The following ZNF135 variants were observed in gnomAD, a reference collection of about 807,000 sequenced individuals.
ZNF135 encodes zinc finger protein 135 (clone pHZ-17).
Under a neutral mutation model 12.3 loss-of-function variants are expected in ZNF135, and 11 were observed. The observed-to-expected ratio is 0.89, with a 90% CI of 0.56 to 1.48. The LOEUF (loss-of-function observed/expected upper bound fraction) is 1.48. Among genes scored for constraint, ZNF135 ranks in the 40% most tolerant of loss-of-function variants. The pLI is 0.00. For missense variants in ZNF135, 722 were observed against 815.7 expected (o/e 0.89, Z 1.40); for synonymous variants, 316 against 312.0 (o/e 1.01, Z -0.14).
rs140121149 is a variant in ZNF135, at chr19:58,066,927, C to G, written c.443C>G (p.Ala148Gly). The change falls in exon 5 of 5, where the codon GCC (alanine) becomes GGC (glycine). Residue 148 changes from alanine to glycine, a missense_variant. By Grantham distance (60) the Ala-to-Gly change is moderately conservative (BLOSUM62 0). Transcript: ENST00000313434. ...CTAGAGAGCCTGGCAGTGCCGGTGG[C>G]CTTCACGCCTGTGAAGACGCCTGTT... is the stretch of plus-strand genomic sequence containing the variant. Reference protein sequence around the residue: ...ESLESLAVPVAFTPVKTPVLE... With the variant: ...ESLESLAVPVGFTPVKTPVLE... 6.7e-4 allele frequency: 1,089 copies of G among 1,614,164 alleles called. 9 individuals carry two copies. In the African/African-American group the frequency reaches 0.013, roughly 19 times the overall value.
chr19:58,063,496 G>T lies in ZNF135; in HGVS notation c.211G>T (p.Glu71Ter), dbSNP rs747249059. The change falls in exon 4 of 5, where the codon GAG (glutamate) becomes TAG (stop). Residue 71 changes from glutamate (E) to a stop codon, truncating the protein, a stop_gained. Coordinates refer to ENST00000313434, the MANE Select transcript of ZNF135 (RefSeq NM_001289401.2). LOFTEE classifies it low-confidence loss of function (END_TRUNC). This position sits in a 1 kb window ranked among gnomAD's most constrained non-coding sequence, Gnocchi z 4.4. ...NVISLLEQEA[E>*]LWAVESRLPQ... ...CATCTCCCTGCTGGAGCAAGAGGCA[G>T]AGCTGTGGGCGGTGGAGTCTAGACT... 1.2e-6 allele frequency: 2 copies of T among 1,614,186 alleles called. No homozygotes were observed. The highest frequency in any genetic ancestry group is 1.7e-6 in the Non-Finnish European group (2 of 1,180,020).
chr19:58,065,086 C>T lies in ZNF135; in HGVS notation c.256+1545C>T, dbSNP rs996661875. ...AAGCAAAGCAAATTATTTTAAAGTT[C>T]GGGAGATCAGAAATCCACAATGGGT... On this transcript the variant is annotated intron_variant, in intron 4 of 4. Coordinates refer to ENST00000313434, the MANE Select transcript of ZNF135 (RefSeq NM_001289401.2). This position sits in a 1 kb window ranked among gnomAD's most constrained non-coding sequence, Gnocchi z 4.0. 1.8e-4 allele frequency among the ~76,000 whole-genome samples: 28 copies of T among 152,112 alleles called. 1 individual carries two copies. The highest frequency in any genetic ancestry group is 1.0e-3 in the Admixed American group (16 of 15,268).
At position 58,069,124 on chromosome 19, in the gene ZNF135, CAA is replaced by C. The variant is rs1355665855; in HGVS notation, c.*665_*666del. On this transcript the variant is annotated 3_prime_UTR_variant, in exon 5 of 5. Coordinates refer to ENST00000313434, the MANE Select transcript of ZNF135 (RefSeq NM_001289401.2). ...AGTCACAGATTGGAATTACATATGA[CAA>C]AGTATCAGTGTACTATAAACAGGTT... is the stretch of plus-strand genomic sequence containing the variant. 1 of 152,884 alleles carries C rather than the reference CAA, an allele frequency of 6.5e-6. No homozygotes were observed. The highest frequency in any genetic ancestry group is 1.5e-5 in the Non-Finnish European group (1 of 68,624). 9.5% of individuals were successfully genotyped at this position (152,884 alleles called of 1,614,324 possible).
chr19:58,061,132 G>A (rs28451971), intron 2 of ZNF135, among the ~76,000 whole-genome samples: 8 of 148,260 alleles, frequency 5.4e-5, no homozygotes, highest in South Asian at 2.1e-4. Context: ...CGTCTCGGGG[G>A]AAAAAAAAAA....
chr19:58,067,670 C>T lies in ZNF135; in HGVS notation c.1186C>T (p.Pro396Ser). Reference protein sequence around the residue: ...ECGKAFTQITPLIQHQRTHTG... With the variant: ...ECGKAFTQITSLIQHQRTHTG... ...TGGAAAAGCCTTCACCCAGATCACA[C>T]CACTGATTCAGCACCAGAGGACCCA... Residue 396 changes from proline (P) to serine (S), a missense_variant, in exon 5 of 5, where the codon CCA (proline) becomes TCA (serine). Physicochemically the swap from Pro to Ser is moderately conservative, Grantham distance 74. Transcript: ENST00000313434. The T allele has an allele frequency of 1.2e-6, 2 of 1,611,938 alleles. No individual in the cohort carries two copies. The highest frequency in any genetic ancestry group is 1.7e-6 in the Non-Finnish European group (2 of 1,179,544).
At chr19:58,061,033 C>T (rs912875433) in intron 2 of ZNF135, among the ~76,000 whole-genome samples, 53 of 151,512 alleles carry the variant, frequency 3.5e-4, no homozygotes, top group African/African-American at 1.2e-3. Flanking sequence ...GAGGCTGAGG[C>T]AGGAGAATGG....
rs2074124523 is a variant in ZNF135 at position 58,068,911 on chromosome 19, C to T, written c.*450C>T. 6.0e-6 allele frequency: 1 copy of T among 165,812 alleles called. No individual in the cohort carries two copies. Among genetic ancestry groups the T allele is most frequent in the Non-Finnish European group, 1.3e-5 (1 of 75,044 alleles). 10.3% of individuals were successfully genotyped at this position (165,812 alleles called of 1,614,324 possible). A position where few individuals can be genotyped will look rare whatever the true frequency, so the allele number is the denominator to read the frequency against. ...CAGAATTTGCCATTATTGCACATCA[C>T]ATTTTTGGGGGGGAAAGTGCTTATG... On this transcript the variant is annotated 3_prime_UTR_variant, in exon 5 of 5. Transcript: ENST00000313434.
Position 58,068,570 on chromosome 19 carries a change from T to A in ZNF135, c.*109T>A. 1.6e-6 allele frequency: 2 copies of A among 1,257,298 alleles called. No homozygotes were observed. Among genetic ancestry groups the A allele is most frequent in the South Asian group, 1.5e-5 (1 of 66,924 alleles). 77.9% of individuals were successfully genotyped at this position (1,257,298 alleles called of 1,614,324 possible). A position where few individuals can be genotyped will look rare whatever the true frequency, so the allele number is the denominator to read the frequency against. On this transcript the variant is annotated 3_prime_UTR_variant, in exon 5 of 5. Transcript: ENST00000313434. ...AGAAACGTACATTCATACACAAGCC[T>A]TTTCACACAGCACTCCCCTCAGACA... is the stretch of plus-strand genomic sequence containing the variant.
chr19:58,061,622 G>A lies in ZNF135; in HGVS notation c.76G>A (p.Glu26Lys). The part of the protein sequence containing the change: ...FEDVVVGFSQ[E>K]EWGQLKPAQR... ...GGACGTGGTAGTGGGCTTCAGCCAG[G>A]AGGAGTGGGGGCAGCTGAAGCCTGC... is the stretch of plus-strand genomic sequence containing the variant. The change falls in exon 3 of 5, where the codon GAG becomes AAG. Residue 26 changes from glutamate to lysine, a missense_variant. Glu to Lys is a moderately conservative substitution (Grantham distance 56). Transcript: ENST00000313434. The A allele has an allele frequency of 1.2e-6, 2 of 1,613,520 alleles. No homozygotes were observed.
Position 58,061,591 on chromosome 19 carries a change from G to C in ZNF135, c.45G>C (p.Thr15=). 1 of 1,612,718 alleles carries C rather than the reference G, an allele frequency of 6.2e-7. No homozygotes were observed. The highest frequency in any genetic ancestry group is 8.5e-7 in the Non-Finnish European group (1 of 1,179,400). ...GTGTGATGTTTCAGGAGCAAGTGAC[G>C]TTTGAGGACGTGGTAGTGGGCTTCA... ...VRVSTDPEQV[T]FEDVVVGFSQ... The change falls in exon 3 of 5, where the codon ACG becomes ACC. Residue 15 remains threonine, a synonymous_variant. Coordinates refer to ENST00000313434, the MANE Select transcript of ZNF135 (RefSeq NM_001289401.2).
Position 58,059,681 on chromosome 19 carries a change from G to A in ZNF135, c.-34-288G>A, listed in dbSNP as rs7260445. 12,532 of 529,432 alleles carry A rather than the reference G, an allele frequency of 0.024. 229 individuals carry two copies. Among genetic ancestry groups the A allele is most frequent in the Middle Eastern group, 0.048 (96 of 2,000 alleles). 32.8% of individuals were successfully genotyped at this position (529,432 alleles called of 1,614,324 possible). On this transcript the variant is annotated intron_variant, in intron 1 of 4. Transcript: ENST00000313434. The surrounding 1 kb of genome is among the most constrained non-coding windows in gnomAD (Gnocchi z 6.5). ...TGAGGCATAGTGCCCAGGGCCAGGG[G>A]ACCGCAACCACCCGGCCCTTGTCAC... is the stretch of plus-strand genomic sequence containing the variant.
At chr19:58,059,273 G>A (rs764527492), upstream of ZNF135, 9 of 1,579,924 alleles carry the variant, frequency 5.7e-6, no homozygotes, top group African/African-American at 4.2e-5. This position sits in a 1 kb window ranked among gnomAD's most constrained non-coding sequence, Gnocchi z 6.5. Flanking sequence ...CGCAGTGTCG[G>A]CTGCCGGTGC....
intron 4 of ZNF135, among the ~76,000 whole-genome samples, chr19:58,064,758 G>T (rs1295830036): frequency 1.3e-5 from 2 of 151,874 alleles, no homozygotes; most frequent in Admixed American, 1.3e-4. Context: ...GGCCATGGTG[G>T]CACGCTCCTG....
At position 58,060,425 on chromosome 19, in the gene ZNF135, G is replaced by C. The variant is rs73577023; in HGVS notation, c.33+390G>C. 1,384 of 1,159,108 alleles carry C rather than the reference G, an allele frequency of 1.2e-3. 16 individuals carry two copies. The African/African-American group carries it at 0.018, about 15-fold the overall frequency. The allele number at this position is 1,159,108 out of a possible 1,614,324, so 71.8% of individuals were successfully genotyped here. A position where few individuals can be genotyped will look rare whatever the true frequency, so the allele number is the denominator to read the frequency against. On this transcript the variant is annotated intron_variant, in intron 2 of 4. Transcript: ENST00000313434. The surrounding 1 kb of genome is among the most constrained non-coding windows in gnomAD (Gnocchi z 4.9). Reference sequence around the variant, plus strand: ...TCAGCGGGCACGGGTCCCTGTCTGAGTGGGCTTTATGTTTGTGCGGCCGTC... The same window carrying C: ...TCAGCGGGCACGGGTCCCTGTCTGACTGGGCTTTATGTTTGTGCGGCCGTC...
rs73056305 is a variant in ZNF135, at chr19:58,065,228, A to T, written c.257-1513A>T. On this transcript the variant is annotated intron_variant, in intron 4 of 4. Transcript: ENST00000313434. The surrounding 1 kb of genome is among the most constrained non-coding windows in gnomAD (Gnocchi z 4.0). ...TTTTTTTAAGAGATGGGGTCTTGCT[A>T]TCTTGCCTAGGATGGAGTCCAGTGG... 6.6e-6 allele frequency among the ~76,000 whole-genome samples: 1 copy of T among 151,886 alleles called. No homozygotes were observed. The highest frequency in any genetic ancestry group is 1.9e-4 in the East Asian group (1 of 5,176).
In ZNF135 at chr19:58,060,035, G is replaced by A. The variant is rs749105473; in HGVS notation, c.33G>A (p.Pro11=). 7 of 1,613,300 alleles carry A rather than the reference G, an allele frequency of 4.3e-6. No homozygotes were observed. The highest frequency in any genetic ancestry group is 3.3e-5 in the South Asian group (3 of 91,074). The change falls in exon 2 of 5, where the codon CCG becomes CCA. Residue 11 remains proline, a splice_region_variant and synonymous_variant. Transcript: ENST00000313434. The surrounding 1 kb of genome is among the most constrained non-coding windows in gnomAD (Gnocchi z 4.9). MTPGVRVSTD[P]EQVTFEDVVV... ...CTGGGGTGCGCGTCTCCACAGACCC[G>A]GTGAGAATCTCGGCCTCCTTGCGCG... is the stretch of plus-strand genomic sequence containing the variant.
At position 58,063,977 on chromosome 19, in the gene ZNF135, G is replaced by T. The variant is rs2074026313; in HGVS notation, c.256+436G>T. Among the ~76,000 whole-genome samples, 1 of 152,208 alleles carries T rather than the reference G, an allele frequency of 6.6e-6. No homozygotes were observed. Among genetic ancestry groups the T allele is most frequent in the African/African-American group, 2.4e-5 (1 of 41,454 alleles). On this transcript the variant is annotated intron_variant, in intron 4 of 4. Transcript: ENST00000313434. The surrounding 1 kb of genome is among the most constrained non-coding windows in gnomAD (Gnocchi z 4.4). ...ATTTCAGGCAGAGGAAACAGCAGGT[G>T]CAAAGGCCTGAAGTCATGCATCAGT... is the stretch of plus-strand genomic sequence containing the variant.
chr19:58,066,593 G>T, intron 4 of ZNF135, 148 bp from the exon 5 acceptor site: 7 of 1,060,386 alleles, frequency 6.6e-6, no homozygotes, highest in South Asian at 3.6e-5. Flanking sequence ...TTCCTGGTTT[G>T]CAAAACTATA....
chr19:58,066,612 T>C, intron 4 of ZNF135, 129 bp from the exon 5 acceptor site: 2 of 1,286,416 alleles, frequency 1.6e-6, no homozygotes, highest in Admixed American at 2.8e-5. Context: ...TATTTTTAAA[T>C]GGTCAAAGCC....
Sources: allele counts gnomAD v4.1 joint callset (sites outside exome capture counted in the v4.1 genomes callset), GRCh38; gene constraint gnomAD v4.1.1; non-coding constraint Gnocchi (gnomAD v3.1); transcripts MANE v1.5; gene names NCBI Gene and HGNC (gene_info 2026-07-23, HGNC 2026-07-21).